GRIA4: variants seen among roughly 807,000 people sequenced by gnomAD.
The protein encoded by GRIA4 is glutamate ionotropic receptor AMPA type subunit 4.
In GRIA4, 34 loss-of-function variants were observed where a neutral mutation model predicts 104.0. The ratio of observed to expected loss-of-function variants is 0.33; its 90% confidence interval spans 0.25 to 0.44. The LOEUF (loss-of-function observed/expected upper bound fraction) is 0.44, where lower values mean the gene tolerates loss of function less well. Ranked by LOEUF, GRIA4 falls within the 20% of genes least tolerant of loss-of-function variation. GRIA4 has a pLI of 1.00. For missense variants in GRIA4, 750 were observed against 1,096.5 expected (o/e 0.68, Z 4.46); for synonymous variants, 386 against 381.9 (o/e 1.01, Z -0.13).
In GRIA4 at chr11:105,812,898, G is replaced by C. The variant is rs575260218; in HGVS notation, c.488-49126G>C. ...GGGCGGATCACGAGGTCAGGAGATCGAGACCATCCCGGCTAACATGGTGAA... is the reference window on the plus strand; with the variant it reads ...GGGCGGATCACGAGGTCAGGAGATCCAGACCATCCCGGCTAACATGGTGAA... On this transcript the variant is annotated intron_variant, in intron 4 of 16. Coordinates refer to ENST00000282499, the MANE Select transcript of GRIA4 (RefSeq NM_000829.4). Among the ~76,000 whole-genome samples the C allele has an allele frequency of 2.6e-5, 4 of 152,024 alleles. No homozygotes were observed. In the South Asian group the frequency reaches 8.3e-4, roughly 32 times the overall value.
At chr11:105,798,589 A>G (rs1404166849) in intron 4 of GRIA4, among the ~76,000 whole-genome samples, 1 of 152,168 alleles carries the variant, frequency 6.6e-6, no homozygotes, top group Admixed American at 6.6e-5. Context: ...CTAATTAAGA[A>G]TGGGTGTGGA....
At chr11:105,968,718 A>G (rs1392646752) in intron 14 of GRIA4, among the ~76,000 whole-genome samples, 1 of 152,214 alleles carries the variant, frequency 6.6e-6, no homozygotes, top group African/African-American at 2.4e-5. Flanking sequence ...GTCCTGTTTT[A>G]TGGTCATAAG....
At position 105,791,343 on chromosome 11, in the gene GRIA4, C is replaced by T. The variant is rs186929850; in HGVS notation, c.487+38123C>T. On this transcript the variant is annotated intron_variant, in intron 4 of 16. Transcript: ENST00000282499. ...TCATATCAATACTAATATGTCCAAA[C>T]GAAGTGTATTTTGTTGGTTGGTCTC... Among the ~76,000 whole-genome samples the T allele has an allele frequency of 2.2e-3, 331 of 152,166 alleles. 1 individual carries two copies. Among genetic ancestry groups the T allele is most frequent in the African/African-American group, 7.4e-3 (308 of 41,514 alleles).
chr11:105,748,970 T>C (rs753152340), intron 3 of GRIA4, among the ~76,000 whole-genome samples: 8 of 152,106 alleles, frequency 5.3e-5, no homozygotes, highest in Non-Finnish European at 8.8e-5. Context: ...AGCCGCAGAA[T>C]TGGATGATTT....
chr11:105,675,457 T>A (rs1428011975), intron 3 of GRIA4, among the ~76,000 whole-genome samples: 9 of 151,874 alleles, frequency 5.9e-5, no homozygotes, highest in South Asian at 2.1e-4. Context: ...TAAGCTAATT[T>A]CCAGCATTAG....
chr11:105,883,417 T>A (rs1358320043), intron 5 of GRIA4, among the ~76,000 whole-genome samples: 2 of 141,590 alleles, frequency 1.4e-5, no homozygotes, highest in African/African-American at 5.2e-5. Flanking sequence ...CCTAATGCTA[T>A]CCCTCCCCCC....
At chr11:105,765,523 C>A (rs922724930) in intron 4 of GRIA4, among the ~76,000 whole-genome samples, 2 of 152,234 alleles carry the variant, frequency 1.3e-5, no homozygotes, top group East Asian at 3.9e-4. Flanking sequence ...GATGCTGAAG[C>A]CCATAGATAG....
intron 12 of GRIA4, among the ~76,000 whole-genome samples, chr11:105,925,550 G>GA: frequency 6.6e-6 from 1 of 152,174 alleles, no homozygotes; most frequent in East Asian, 1.9e-4. Flanking sequence ...TTTCTTTATA[G>GA]AAATGTATGC....
intron 4 of GRIA4, among the ~76,000 whole-genome samples, chr11:105,768,666 G>A (rs1941067244): frequency 6.6e-6 from 1 of 151,986 alleles, no homozygotes; most frequent in African/African-American, 2.4e-5. Context: ...TTTGTCTATT[G>A]AAATTTCACA....
intron 3 of GRIA4, chr11:105,614,319 G>A (rs189320204): frequency 2.6e-5 from 4 of 151,770 alleles, no homozygotes; most frequent in African/African-American, 7.2e-5. Flanking sequence ...TAAACTATAT[G>A]AGGCTAATCC....
At chr11:105,726,296 C>T (rs535753522) in intron 3 of GRIA4, among the ~76,000 whole-genome samples, 6 of 152,050 alleles carry the variant, frequency 3.9e-5, no homozygotes, top group Non-Finnish European at 8.8e-5. Flanking sequence ...CTGAGTGGAG[C>T]CCACCGCAGC....
At chr11:105,742,813 A>G (rs1051380618) in intron 3 of GRIA4, among the ~76,000 whole-genome samples, 6 of 152,052 alleles carry the variant, frequency 3.9e-5, no homozygotes, top group African/African-American at 1.4e-4. Context: ...CTCAGTTCAC[A>G]GCAACCTCCA....
intron 4 of GRIA4, among the ~76,000 whole-genome samples, chr11:105,854,435 A>G (rs566484220): frequency 6.6e-6 from 1 of 152,274 alleles, no homozygotes; most frequent in South Asian, 2.1e-4. Flanking sequence ...GATGTTTGAG[A>G]GCAAGAGAGC....
intron 14 of GRIA4, among the ~76,000 whole-genome samples, chr11:105,940,042 C>T (rs983145713): frequency 2.6e-5 from 4 of 151,942 alleles, no homozygotes; most frequent in African/African-American, 4.8e-5. Context: ...TAGCTGACAG[C>T]GTGGTGGTAG....
chr11:105,705,116 T>C (rs1365204146), intron 3 of GRIA4, among the ~76,000 whole-genome samples: 2 of 152,124 alleles, frequency 1.3e-5, no homozygotes, highest in African/African-American at 2.4e-5. Context: ...CAAATACACA[T>C]ATAAATTTAT....
At chr11:105,723,716 G>A (rs956833494) in intron 3 of GRIA4, among the ~76,000 whole-genome samples, 2 of 152,084 alleles carry the variant, frequency 1.3e-5, no homozygotes, top group African/African-American at 4.8e-5. Context: ...TTGTGTGCAT[G>A]TGTAACTATG....
chr11:105,942,444 T>C (rs958200691), intron 14 of GRIA4, among the ~76,000 whole-genome samples: 1 of 152,076 alleles, frequency 6.6e-6, no homozygotes, highest in Non-Finnish European at 1.5e-5. Flanking sequence ...CAGTTCAGCA[T>C]TATAGTTTTT....
chr11:105,958,330 G>A (rs922238285), intron 14 of GRIA4, among the ~76,000 whole-genome samples: 4 of 152,184 alleles, frequency 2.6e-5, no homozygotes, highest in African/African-American at 7.2e-5. Context: ...AAGGGCTGTT[G>A]AATTTTGGTC....
chr11:105,931,355 T>C (rs1002065784), intron 13 of GRIA4, among the ~76,000 whole-genome samples: 2 of 151,544 alleles, frequency 1.3e-5, no homozygotes, highest in African/African-American at 4.9e-5. Context: ...ATAAAAACAT[T>C]ATAAAAAATA....
Sources: allele counts gnomAD v4.1 joint callset (sites outside exome capture counted in the v4.1 genomes callset), GRCh38; gene constraint gnomAD v4.1.1; transcripts MANE v1.5; gene names NCBI Gene and HGNC (gene_info 2026-07-23, HGNC 2026-07-21).